SPECC1: variants seen among roughly 807,000 people sequenced by gnomAD.
SPECC1 encodes the protein sperm antigen with calponin homology and coiled-coil domains 1.
In SPECC1, 62 loss-of-function variants were observed where a neutral mutation model predicts 104.1. The observed-to-expected ratio is 0.60, with a 90% CI of 0.49 to 0.74. The LOEUF (loss-of-function observed/expected upper bound fraction) is 0.74, where lower values mean the gene tolerates loss of function less well. Ranked by LOEUF, SPECC1 falls within the 30% of genes least tolerant of loss-of-function variation. The pLI is 0.00. For synonymous variants in SPECC1, 513 were observed against 501.6 expected, an observed-to-expected ratio of 1.02 and a Z score of -0.30; for missense variants, 1,306 against 1,310.5, an observed-to-expected ratio of 1.00 and a Z score of 0.05.
chr17:20,141,311 T>C (rs2030771555), intron 3 of SPECC1, among the ~76,000 whole-genome samples: 1 of 152,226 alleles, frequency 6.6e-6, no homozygotes, highest in Admixed American at 6.5e-5. Flanking sequence ...CCCAGCTCAC[T>C]GGACCTGCTC....
intron 3 of SPECC1, among the ~76,000 whole-genome samples, chr17:20,188,414 C>T (rs1244336873): frequency 2.0e-5 from 3 of 151,926 alleles, no homozygotes; most frequent in South Asian, 4.2e-4. Context: ...CGCACCACCA[C>T]GCCTGGCTAA....
intron 2 of SPECC1, among the ~76,000 whole-genome samples, chr17:20,101,675 G>C (rs2047951661): frequency 1.3e-5 from 2 of 152,142 alleles, no homozygotes; most frequent in South Asian, 4.1e-4. Context: ...GGGTCCTCTT[G>C]GTTGCAAATG....
At chr17:20,217,893 A>G (rs1190705212) in intron 4 of SPECC1, among the ~76,000 whole-genome samples, 1 of 152,104 alleles carries the variant, frequency 6.6e-6, no homozygotes, top group Admixed American at 6.5e-5. Context: ...TGAACTGGGC[A>G]TTGTGATGCA....
At chr17:20,282,157 CTTCTGAGT>C (rs1363823970) in intron 12 of SPECC1, among the ~76,000 whole-genome samples, 2 of 152,260 alleles carry the variant, frequency 1.3e-5, no homozygotes, top group African/African-American at 4.8e-5. Context: ...TGGGTGGGGA[CTTCTGAGT>C]GTTTGTCAAG....
At chr17:20,178,993 A>G (rs929487346) in intron 3 of SPECC1, among the ~76,000 whole-genome samples, 6 of 152,274 alleles carry the variant, frequency 3.9e-5, no homozygotes, top group Non-Finnish European at 8.8e-5. Flanking sequence ...CAAAGAAGCT[A>G]GAATAGAGTC....
At chr17:20,050,078 A>G (rs1313111661) in intron 1 of SPECC1, among the ~76,000 whole-genome samples, 2 of 152,140 alleles carry the variant, frequency 1.3e-5, no homozygotes, top group Non-Finnish European at 2.9e-5. Flanking sequence ...TGGCCTCCCA[A>G]AGTGCTGGGA....
At chr17:20,306,448 A>T (rs547168578) in intron 14 of SPECC1, among the ~76,000 whole-genome samples, 1 of 152,356 alleles carries the variant, frequency 6.6e-6, no homozygotes, top group Admixed American at 6.5e-5. Flanking sequence ...GAAATGTAAA[A>T]CAAAGCAGAA....
At chr17:20,049,110 G>C (rs1213225823) in intron 1 of SPECC1, among the ~76,000 whole-genome samples, 1 of 152,068 alleles carries the variant, frequency 6.6e-6, no homozygotes, top group East Asian at 1.9e-4. Context: ...AAGGATATAT[G>C]CACTTGTACA....
chr17:20,166,347 A>G (rs2033646599), intron 3 of SPECC1, among the ~76,000 whole-genome samples: 1 of 152,228 alleles, frequency 6.6e-6, no homozygotes, highest in Admixed American at 6.5e-5. Context: ...GATCTATTCT[A>G]AGGCCAGGAA....
At chr17:20,233,470 G>A (rs572454474) in intron 7 of SPECC1, among the ~76,000 whole-genome samples, 2 of 152,268 alleles carry the variant, frequency 1.3e-5, no homozygotes, top group East Asian at 3.9e-4. Context: ...CTTTGGGGAA[G>A]GATGAAGATC....
chr17:20,207,493 T>C (rs966941395), intron 4 of SPECC1, among the ~76,000 whole-genome samples: 3 of 152,212 alleles, frequency 2.0e-5, no homozygotes, highest in Admixed American at 6.5e-5. Flanking sequence ...ATGTGCACCT[T>C]CTTGAAGTTC....
intron 2 of SPECC1, among the ~76,000 whole-genome samples, chr17:20,100,901 T>C (rs2047915089): frequency 6.6e-6 from 1 of 152,136 alleles, no homozygotes; most frequent in African/African-American, 2.4e-5. Context: ...CACTTATGAG[T>C]GAGAACATGC....
intron 2 of SPECC1, among the ~76,000 whole-genome samples, 155 bp downstream of exon 2, chr17:20,096,953 G>A (rs975574368): frequency 6.6e-6 from 1 of 152,192 alleles, no homozygotes; most frequent in African/African-American, 2.4e-5. Context: ...GGACATGAAG[G>A]AATAGAGCTA....
chr17:20,310,686 G>A (rs2142216546), intron 14 of SPECC1, among the ~76,000 whole-genome samples: 1 of 152,314 alleles, frequency 6.6e-6, no homozygotes, highest in African/African-American at 2.4e-5. Context: ...CTCACTGAGT[G>A]CCAGCATGCC....
chr17:20,191,557 C>T (rs184692556), intron 3 of SPECC1, among the ~76,000 whole-genome samples: 1 of 142,614 alleles, frequency 7.0e-6, no homozygotes, highest in East Asian at 2.2e-4. Flanking sequence ...AGGTTTGTTA[C>T]ATAGGTATGC....
intron 4 of SPECC1, among the ~76,000 whole-genome samples, chr17:20,206,982 A>G (rs945454443): frequency 6.6e-6 from 1 of 152,058 alleles, no homozygotes; most frequent in Non-Finnish European, 1.5e-5. Context: ...ATCAGCCTGT[A>G]ATTTTGTTTT....
intron 1 of SPECC1, among the ~76,000 whole-genome samples, chr17:20,039,397 T>A (rs2045229792): frequency 6.6e-6 from 1 of 152,232 alleles, no homozygotes; most frequent in Non-Finnish European, 1.5e-5. Flanking sequence ...TCTTTCAGGA[T>A]CTTTTCTTGA....
intron 12 of SPECC1, among the ~76,000 whole-genome samples, chr17:20,294,727 T>C (rs1233229135): frequency 2.0e-5 from 3 of 151,970 alleles, no homozygotes; most frequent in African/African-American, 7.2e-5. Context: ...GTGGTGGTAG[T>C]GATTCCTCCT....
At chr17:20,089,134 A>G (rs952321954) in intron 1 of SPECC1, among the ~76,000 whole-genome samples, 2 of 152,230 alleles carry the variant, frequency 1.3e-5, no homozygotes, top group East Asian at 1.9e-4. Flanking sequence ...AGGGTTAGGC[A>G]CACAGCCTGA....
Sources: allele counts gnomAD v4.1 joint callset (sites outside exome capture counted in the v4.1 genomes callset), GRCh38; gene constraint gnomAD v4.1.1; transcripts MANE v1.5; gene names NCBI Gene and HGNC (gene_info 2026-07-23, HGNC 2026-07-21).